HIKESHI: variants seen among roughly 807,000 people sequenced by gnomAD.
HIKESHI encodes the protein protein Hikeshi.
HIKESHI carries 13 observed loss-of-function variants against 25.7 expected under a neutral mutation model. The ratio of observed to expected loss-of-function variants is 0.51; its 90% confidence interval spans 0.33 to 0.80. The LOEUF is 0.80. HIKESHI is among the 30% of genes least tolerant of loss of function. The pLI, the probability that HIKESHI is intolerant of heterozygous loss-of-function variation, is 0.02. For synonymous variants in HIKESHI, 76 were observed against 78.7 expected (o/e 0.97, Z 0.18); for missense variants, 174 against 229.5 (o/e 0.76, Z 1.56).
At chr11:86,325,028 A>T (rs1318847667) in intron 2 of HIKESHI, among the ~76,000 whole-genome samples, 1 of 151,956 alleles carries the variant, frequency 6.6e-6, no homozygotes, top group Non-Finnish European at 1.5e-5. Context: ...AAAATAAAAA[A>T]CTTAGCCAGG....
Position 86,302,485 on chromosome 11 carries a change from A to G in HIKESHI, c.30+7A>G. On this transcript the variant is annotated splice_region_variant and intron_variant, in intron 1 of 4. Transcript: ENST00000278483. ...CTTGGTGGCGGGGAGGCTGGTGAGG[A>G]TGGGACCGGGTGATATCAGGAAGGG... 6.4e-7 allele frequency: 1 copy of G among 1,557,794 alleles called. No homozygotes were observed. The highest frequency in any genetic ancestry group is 1.2e-5 in the South Asian group (1 of 84,502).
chr11:86,332,626 C>G (rs765474479), intron 2 of HIKESHI, among the ~76,000 whole-genome samples: 1 of 151,924 alleles, frequency 6.6e-6, no homozygotes, highest in Non-Finnish European at 1.5e-5. Flanking sequence ...CAGTACTCAT[C>G]AAAACTATAC....
At chr11:86,332,919 G>T (rs566901122) in intron 2 of HIKESHI, among the ~76,000 whole-genome samples, 1 of 152,176 alleles carries the variant, frequency 6.6e-6, no homozygotes, top group Non-Finnish European at 1.5e-5. Flanking sequence ...AAAAGATTAT[G>T]CCACCTTTTA....
At chr11:86,309,842 T>G (rs1360216343) in intron 2 of HIKESHI, among the ~76,000 whole-genome samples, 8 of 152,172 alleles carry the variant, frequency 5.3e-5, no homozygotes, top group Middle Eastern at 3.2e-3. Flanking sequence ...TTTCCCCATT[T>G]CTTGTTTTTG....
chr11:86,327,345 C>T (rs1252335782), intron 2 of HIKESHI, among the ~76,000 whole-genome samples: 2 of 150,924 alleles, frequency 1.3e-5, no homozygotes, highest in Admixed American at 6.6e-5. Flanking sequence ...GACGGAGTCT[C>T]GCTCTGTCGC....
intron 2 of HIKESHI, among the ~76,000 whole-genome samples, chr11:86,316,175 G>C (rs988210007): frequency 6.7e-6 from 1 of 150,276 alleles, no homozygotes; most frequent in Admixed American, 6.6e-5. Flanking sequence ...GTGGAGGAAA[G>C]GTAGTAGAGA....
At chr11:86,306,834 T>C (rs2138286415) in intron 2 of HIKESHI, among the ~76,000 whole-genome samples, 1 of 150,844 alleles carries the variant, frequency 6.6e-6, no homozygotes, top group Non-Finnish European at 1.5e-5. Context: ...CTGTCTCCAC[T>C]AAAAAATAAA....
intron 2 of HIKESHI, 93 bp downstream of exon 2, chr11:86,306,575 T>C: frequency 1.4e-6 from 1 of 730,626 alleles, no homozygotes; most frequent in Non-Finnish European, 2.2e-6. Context: ...CTTTAGATTG[T>C]GTTTTTCTGG....
At chr11:86,318,368 A>G (rs1226884926) in intron 2 of HIKESHI, among the ~76,000 whole-genome samples, 1 of 151,106 alleles carries the variant, frequency 6.6e-6, no homozygotes, top group Non-Finnish European at 1.5e-5. Flanking sequence ...AATTAAAATC[A>G]GTAATTAAAA....
chr11:86,339,270 G>A (rs1694013682), intron 3 of HIKESHI, among the ~76,000 whole-genome samples: 4 of 152,126 alleles, frequency 2.6e-5, no homozygotes, highest in Admixed American at 2.6e-4. Flanking sequence ...CGATGGTCTC[G>A]ATCTCCTGAC....
intron 2 of HIKESHI, among the ~76,000 whole-genome samples, chr11:86,313,950 C>T (rs76587379): frequency 2.8e-3 from 432 of 152,224 alleles, no homozygotes; most frequent in African/African-American, 0.01. Context: ...CTCAGATTGA[C>T]ATCAGGGTAT....
intron 3 of HIKESHI, chr11:86,343,691 G>A (rs1219954104): frequency 6.6e-6 from 1 of 152,142 alleles, no homozygotes. Context: ...TTAATCAGGT[G>A]CCTTCGCAGC....
At chr11:86,315,567 C>T (rs953148794) in intron 2 of HIKESHI, among the ~76,000 whole-genome samples, 2 of 152,162 alleles carry the variant, frequency 1.3e-5, no homozygotes, top group East Asian at 3.8e-4. Context: ...GATCCGCCCA[C>T]CTCAGCCTCC....
chr11:86,337,535 T>C lies in HIKESHI; in HGVS notation c.420+5T>C, dbSNP rs761567254. 32 of 1,609,848 alleles carry C rather than the reference T, an allele frequency of 2.0e-5. No individual in the cohort carries two copies. The highest frequency in any genetic ancestry group is 2.7e-5 in the Non-Finnish European group (32 of 1,178,578). On this transcript the variant is annotated splice_donor_5th_base_variant and intron_variant, in intron 3 of 4. Transcript: ENST00000278483. ...TCAGTTGACTCATTCACTCAGGTAATGCAACATACATTTCATTCTTTACCT... is the reference window on the plus strand; with the variant it reads ...TCAGTTGACTCATTCACTCAGGTAACGCAACATACATTTCATTCTTTACCT...
intron 2 of HIKESHI, among the ~76,000 whole-genome samples, chr11:86,308,790 A>G (rs1389243105): frequency 2.6e-5 from 4 of 151,830 alleles, no homozygotes; most frequent in Admixed American, 1.3e-4. Flanking sequence ...TCATTGTTCA[A>G]TTCCCACCTA....
chr11:86,309,627 A>G (rs571361543), intron 2 of HIKESHI, among the ~76,000 whole-genome samples: 1 of 152,262 alleles, frequency 6.6e-6, no homozygotes, highest in South Asian at 2.1e-4. Flanking sequence ...TTGGTGTTTT[A>G]GTCATGAATT....
intron 2 of HIKESHI, among the ~76,000 whole-genome samples, chr11:86,336,535 C>T (rs1947566078): frequency 6.6e-6 from 1 of 152,144 alleles, no homozygotes; most frequent in Non-Finnish European, 1.5e-5. Context: ...GAAAATGGTC[C>T]TTCACCAGAT....
At position 86,340,790 on chromosome 11, in the gene HIKESHI, G is replaced by A. The variant is rs199712292; in HGVS notation, c.420+3260G>A. On this transcript the variant is annotated intron_variant, in intron 3 of 4. Transcript: ENST00000278483. ...CTCCCAAGTAGCTGGGATTACAGGC[G>A]CGTGCCACCAGGCCTGGCTAATTTT... 1.4e-4 allele frequency among the ~76,000 whole-genome samples: 21 copies of A among 152,108 alleles called. No homozygotes were observed. The South Asian group carries it at 2.1e-3, about 15-fold the overall frequency.
chr11:86,325,586 A>G (rs1386398896), intron 2 of HIKESHI, among the ~76,000 whole-genome samples: 1 of 152,102 alleles, frequency 6.6e-6, no homozygotes, highest in African/African-American at 2.4e-5. Context: ...AAAAAGTGGC[A>G]CATGTGGCCG....
Sources: gnomAD v4.1 joint callset for allele counts (sites outside exome capture counted in the v4.1 genomes callset) on GRCh38, gnomAD v4.1.1 for gene constraint, MANE v1.5 for transcripts, NCBI Gene and HGNC (gene_info 2026-07-23, HGNC 2026-07-21) for gene names.